KLHL13: variants seen among roughly 807,000 people sequenced by gnomAD.
The protein encoded by KLHL13 is kelch like family member 13.
A neutral mutation model predicts 37.1 loss-of-function variants in KLHL13; 10 were observed. The observed-to-expected ratio is 0.27, with a 90% CI of 0.17 to 0.46. The LOEUF (loss-of-function observed/expected upper bound fraction) is 0.46. Among genes scored for constraint, KLHL13 ranks in the 20% least tolerant of loss-of-function variants. KLHL13 has a pLI of 1.00. For synonymous variants in KLHL13, 163 were observed against 181.2 expected, an observed-to-expected ratio of 0.90 and a Z score of 0.81; for missense variants, 360 against 509.3, an observed-to-expected ratio of 0.71 and a Z score of 2.82.
At chrX:118,110,377 C>T (rs6603368) in intron 1 of KLHL13, among the ~76,000 whole-genome samples, 1,272 of 82,462 alleles carry the variant, frequency 0.015, 37 homozygotes, top group African/African-American at 0.056. Flanking sequence ...ATTTCTTTTT[C>T]TTTTTTTTTT....
chrX:117,929,042 G>C (rs1488626291), intron 2 of KLHL13, among the ~76,000 whole-genome samples: 1 of 111,820 alleles, frequency 8.9e-6, no homozygotes, highest in Non-Finnish European at 1.9e-5. Flanking sequence ...AGGATAATAA[G>C]GAAATATGAA....
At chrX:117,910,223 A>T in intron 4 of KLHL13, 127 bp from the exon 6 acceptor site, 1 of 485,527 alleles carries the variant, frequency 2.1e-6, no homozygotes, top group South Asian at 4.2e-5. Flanking sequence ...TACAAATAGG[A>T]TTCTTATCTA....
chrX:118,106,414 C>T (rs1247530624), intron 1 of KLHL13, among the ~76,000 whole-genome samples: 1 of 111,184 alleles, frequency 9.0e-6, no homozygotes, highest in East Asian at 2.8e-4. Context: ...AGCTAATGAC[C>T]TAATGGTAGA....
chrX:117,985,447 TAAA>T, intron 1 of KLHL13: 78 of 611,110 alleles, frequency 1.3e-4, no homozygotes, highest in East Asian at 2.2e-4. Context: ...TTTATATATT[TAAA>T]AAAAAAAAAA....
At position 118,064,442 on chromosome X, in the gene KLHL13, T is replaced by C. The variant is rs780797667; in HGVS notation, c.-56+52066A>G. Among the ~76,000 whole-genome samples the C allele has an allele frequency of 2.7e-5, 3 of 111,665 alleles. No homozygotes were observed. In the South Asian group the frequency reaches 1.1e-3, roughly 41 times the overall value. The stretch of plus-strand genomic sequence containing the variant: ...AGAATATAAGGTTAAAAAACATTTC[T>C]CTCCAAACTGAAGAAGCCACTGCTA... On this transcript the variant is annotated intron_variant, in intron 1 of 6. Transcript: ENST00000371882.
intron 1 of KLHL13, among the ~76,000 whole-genome samples, chrX:118,098,971 GA>G (rs1238065350): frequency 1.4e-5 from 1 of 71,058 alleles, no homozygotes; most frequent in Non-Finnish European, 2.7e-5. Context: ...GGGGAGAGGG[GA>G]GGGGGAGGGA....
chrX:117,983,583 A>C, intron 1 of KLHL13: 1 of 966,482 alleles, frequency 1.0e-6, no homozygotes, highest in African/African-American at 1.9e-5. Context: ...GGTTAATTGT[A>C]GTTTTATTAT....
At chrX:118,097,484 T>C (rs779407208) in intron 1 of KLHL13, among the ~76,000 whole-genome samples, 4 of 111,443 alleles carry the variant, frequency 3.6e-5, no homozygotes, top group East Asian at 2.8e-4. Context: ...GAATCAATAT[T>C]GTGAAAATGG....
chrX:117,939,710 CAT>C (rs896695555), intron 2 of KLHL13, among the ~76,000 whole-genome samples: 6 of 110,185 alleles, frequency 5.4e-5, no homozygotes, highest in African/African-American at 2.0e-4. Context: ...GCTTTTTTTT[CAT>C]ATATTTGTTG....
chrX:118,045,546 G>C (rs2148063529), intron 1 of KLHL13, among the ~76,000 whole-genome samples: 2 of 111,205 alleles, frequency 1.8e-5, no homozygotes, highest in South Asian at 7.8e-4. Context: ...GTTCACGCCT[G>C]TAATCCCAGC....
chrX:117,932,767 T>G (rs977940115), intron 2 of KLHL13, among the ~76,000 whole-genome samples: 1 of 112,075 alleles, frequency 8.9e-6, no homozygotes, highest in African/African-American at 3.2e-5. Flanking sequence ...AGTTCCATTA[T>G]TAGTTTTTTG....
chrX:117,906,371 T>C (rs1930538542), intron 5 of KLHL13, among the ~76,000 whole-genome samples: 1 of 111,723 alleles, frequency 9.0e-6, no homozygotes, highest in Admixed American at 9.5e-5. Context: ...CGATCATGGA[T>C]AGAATTCAGG....
intron 1 of KLHL13, among the ~76,000 whole-genome samples, chrX:118,090,999 A>T (rs2055126794): frequency 9.3e-6 from 1 of 107,163 alleles, no homozygotes; most frequent in African/African-American, 3.4e-5. Flanking sequence ...GAAGCTGGAA[A>T]CCATCATTCT....
rs138963564 is a variant in KLHL13 at position 117,937,728 on chromosome X, A to C, written c.240+7706T>G. ...TACATATTGCCTTGTTACATTTTTA[A>C]TAGCTTTATTGAGATACAATTTGAA... is the stretch of plus-strand genomic sequence containing the variant. On this transcript the variant is annotated intron_variant, in intron 2 of 6. Coordinates refer to ENST00000262820, the Ensembl canonical transcript of KLHL13. Among the ~76,000 whole-genome samples the C allele has an allele frequency of 9.3e-3, 1,039 of 111,902 alleles. 17 individuals are homozygous for C. Among genetic ancestry groups the C allele is most frequent in the African/African-American group, 0.031 (964 of 30,808 alleles).
intron 1 of KLHL13, among the ~76,000 whole-genome samples, chrX:118,029,507 G>A (rs1602665192): frequency 8.9e-6 from 1 of 111,782 alleles, no homozygotes; most frequent in Non-Finnish European, 1.9e-5. Context: ...TTTTAGTAAT[G>A]CCGATGTATA....
chrX:117,950,686 A>G (rs113168107), intron 1 of KLHL13, among the ~76,000 whole-genome samples: 6 of 112,199 alleles, frequency 5.3e-5, no homozygotes, highest in African/African-American at 1.6e-4. Flanking sequence ...TAATCAAGGC[A>G]CTGACTATCC....
chrX:118,045,225 T>A (rs2054546061), intron 1 of KLHL13, among the ~76,000 whole-genome samples: 1 of 108,539 alleles, frequency 9.2e-6, no homozygotes, highest in South Asian at 4.1e-4. Context: ...TACAAAAAAA[T>A]TAGCCGGGCA....
intron 2 of KLHL13, among the ~76,000 whole-genome samples, chrX:117,922,966 C>T (rs752847917): frequency 8.9e-6 from 1 of 112,040 alleles, no homozygotes; most frequent in Admixed American, 9.5e-5. Context: ...GGTTACTATA[C>T]ATACTGTTGT....
At chrX:118,030,300 T>C (rs1228589354) in intron 1 of KLHL13, among the ~76,000 whole-genome samples, 1 of 112,114 alleles carries the variant, frequency 8.9e-6, no homozygotes, top group Non-Finnish European at 1.9e-5. Flanking sequence ...ATTTACCTTT[T>C]CTAAAACATG....
Sources: gnomAD v4.1 joint callset for allele counts (sites outside exome capture counted in the v4.1 genomes callset) on GRCh38, gnomAD v4.1.1 for gene constraint, MANE v1.5 for transcripts, NCBI Gene and HGNC (gene_info 2026-07-23, HGNC 2026-07-21) for gene names.